HECW1: variants seen among roughly 807,000 people sequenced by gnomAD.
The protein encoded by HECW1 is E3 ubiquitin-protein ligase HECW1.
Under a neutral mutation model 182.3 loss-of-function variants are expected in HECW1, and 61 were observed. The ratio of observed to expected loss-of-function variants is 0.33; its 90% CI spans 0.27 to 0.41. The LOEUF (loss-of-function observed/expected upper bound fraction) is 0.41. HECW1 is among the 10% of genes least tolerant of loss of function. HECW1 has a pLI of 1.00. For synonymous variants in HECW1, 859 were observed against 832.6 expected (o/e 1.03, Z -0.55); for missense variants, 1,739 against 2,108.9 (o/e 0.82, Z 3.44).
At chr7:43,557,682 C>A (rs1023674315) in intron 29 of HECW1, among the ~76,000 whole-genome samples, 1 of 152,148 alleles carries the variant, frequency 6.6e-6, no homozygotes, top group East Asian at 1.9e-4. Flanking sequence ...TTCAGAGGGT[C>A]AGAAGGAACC....
chr7:43,369,143 T>C (rs996980318), intron 6 of HECW1, among the ~76,000 whole-genome samples: 2 of 152,130 alleles, frequency 1.3e-5, no homozygotes, highest in African/African-American at 4.8e-5. Flanking sequence ...GAAATATAAA[T>C]GTCACTCTTT....
rs755869012 is a variant in HECW1, at chr7:43,507,251, A to G, written c.3746A>G (p.Lys1249Arg). ...EAKGFGQGPG[K>R]IKLIIRRDHL... ...AAAGGATTTGGTCAGGGTCCGGGGA[A>G]AATTAAGTGAGTGCTCCAGTGCTTG... The change falls in exon 22 of 30, where the codon AAA (lysine) becomes AGA (arginine). Residue 1249 changes from lysine (K) to arginine (R), a missense_variant. Around this residue, in one of 5 missense-constraint regions of HECW1, gnomAD observed 420 missense variants for 595.7 expected, o/e 0.71. Transcript: ENST00000395891. The G allele has an allele frequency of 5.6e-6, 9 of 1,612,558 alleles. No individual in the cohort carries two copies. Among genetic ancestry groups the G allele is most frequent in the Non-Finnish European group, 7.6e-6 (9 of 1,178,938 alleles).
At chr7:43,344,661 G>A (rs1371363961) in intron 5 of HECW1, among the ~76,000 whole-genome samples, 3 of 151,946 alleles carry the variant, frequency 2.0e-5, no homozygotes, top group Admixed American at 2.0e-4. Context: ...TAGACTATCT[G>A]CTAGTATCCT....
chr7:43,239,397 A>G (rs1798667912), intron 2 of HECW1, among the ~76,000 whole-genome samples: 1 of 152,242 alleles, frequency 6.6e-6, no homozygotes, highest in South Asian at 2.1e-4. Context: ...GGGAATGCAC[A>G]CACAGGCTTT....
At chr7:43,249,843 G>A (rs971281761) in intron 3 of HECW1, among the ~76,000 whole-genome samples, 1 of 152,160 alleles carries the variant, frequency 6.6e-6, no homozygotes, top group Non-Finnish European at 1.5e-5. Context: ...AGAACTAGAA[G>A]TTCCCTAGTA....
intron 2 of HECW1, among the ~76,000 whole-genome samples, chr7:43,226,697 A>AGGCCAGGGAGCTGCAAG (rs143923948): frequency 0.074 from 11,231 of 152,110 alleles, 1,301 homozygotes; most frequent in African/African-American, 0.24. Flanking sequence ...TGAGGGGAAA[A>AGGCCAGGGAGCTGCAAG]GGCCTGACCC....
At chr7:43,520,972 C>T (rs2080444199) in intron 24 of HECW1, among the ~76,000 whole-genome samples, 3 of 152,194 alleles carry the variant, frequency 2.0e-5, no homozygotes, top group Admixed American at 2.0e-4. Context: ...GGAGGCAGCA[C>T]CCTTCAGGTC....
chr7:43,392,833 G>A (rs147765315), intron 6 of HECW1, among the ~76,000 whole-genome samples: 26 of 152,258 alleles, frequency 1.7e-4, no homozygotes, highest in African/African-American at 6.0e-4. Flanking sequence ...TATAGTCTCC[G>A]GACTGCTGAA....
intron 6 of HECW1, among the ~76,000 whole-genome samples, chr7:43,390,549 C>A (rs28731163): frequency 0.43 from 56,659 of 132,506 alleles, 12,037 homozygotes; most frequent in South Asian, 0.51. Context: ...AAAAAAAAAA[C>A]AAAAAAAAAA....
At chr7:43,239,275 G>A (rs1432334068) in intron 2 of HECW1, 1 of 152,206 alleles carries the variant, frequency 6.6e-6, no homozygotes, top group Non-Finnish European at 1.5e-5. Context: ...TAATTTTCTG[G>A]TCTCTAAGAA....
At chr7:43,230,993 C>G (rs888729666) in intron 2 of HECW1, among the ~76,000 whole-genome samples, 2 of 152,222 alleles carry the variant, frequency 1.3e-5, no homozygotes, top group African/African-American at 2.4e-5. Flanking sequence ...TTTTTCAACA[C>G]TGAATCCTCT....
chr7:43,363,345 G>A lies in HECW1; in HGVS notation c.555+2365G>A, dbSNP rs79236387. On this transcript the variant is annotated intron_variant, in intron 6 of 29. Coordinates refer to ENST00000395891, the MANE Select transcript of HECW1 (RefSeq NM_015052.5). ...TTGACATAAGGTTCAGCAGGTGCCT[G>A]ATTGCTACTGCCCTGACCTCATCTT... 2.0e-5 allele frequency among the ~76,000 whole-genome samples: 3 copies of A among 152,322 alleles called. No homozygotes were observed. The East Asian group carries it at 5.8e-4, about 29-fold the overall frequency.
At chr7:43,362,630 C>T (rs1172618987) in intron 6 of HECW1, among the ~76,000 whole-genome samples, 1 of 152,190 alleles carries the variant, frequency 6.6e-6, no homozygotes, top group Non-Finnish European at 1.5e-5. Context: ...GTTAGCCAAT[C>T]ATTGAGGGTG....
chr7:43,480,809 A>G (rs2078406974), intron 17 of HECW1, among the ~76,000 whole-genome samples: 1 of 152,094 alleles, frequency 6.6e-6, no homozygotes, highest in African/African-American at 2.4e-5. Flanking sequence ...GAAACTGGGA[A>G]GATAACAATT....
chr7:43,551,076 C>A (rs1370404544), intron 27 of HECW1, among the ~76,000 whole-genome samples: 1 of 152,128 alleles, frequency 6.6e-6, no homozygotes, highest in Non-Finnish European at 1.5e-5. Context: ...CCTATGATGT[C>A]CTTGAACTCC....
At chr7:43,482,346 T>A (rs974151745) in intron 17 of HECW1, among the ~76,000 whole-genome samples, 1 of 151,962 alleles carries the variant, frequency 6.6e-6, no homozygotes, top group African/African-American at 2.4e-5. Flanking sequence ...GGGGAGTGGG[T>A]GGTAGGAAAT....
At chr7:43,113,244 G>T (rs143439452) in intron 1 of HECW1, among the ~76,000 whole-genome samples, 4,018 of 152,100 alleles carry the variant, frequency 0.026, 81 homozygotes, top group Non-Finnish European at 0.039. Flanking sequence ...CGCCTCCCCC[G>T]CCCCTCAGCG....
chr7:43,405,628 C>T (rs557281949), intron 7 of HECW1, among the ~76,000 whole-genome samples: 29 of 152,078 alleles, frequency 1.9e-4, no homozygotes, highest in Non-Finnish European at 3.5e-4. Context: ...ATGTGTGCAT[C>T]TTCTGCTTAG....
At chr7:43,250,880 A>G (rs769700553) in intron 3 of HECW1, among the ~76,000 whole-genome samples, 3 of 152,210 alleles carry the variant, frequency 2.0e-5, no homozygotes, top group Admixed American at 6.5e-5. Flanking sequence ...CTGCTTAGCC[A>G]CAGAGCTGAG....
Sources: gnomAD v4.1 joint callset for allele counts (sites outside exome capture counted in the v4.1 genomes callset) on GRCh38, gnomAD v4.1.1 for gene constraint, gnomAD v4.1.1 regional missense constraint, MANE v1.5 for transcripts, NCBI Gene and HGNC (gene_info 2026-07-23, HGNC 2026-07-21) for gene names.